CLVS1: variants seen among roughly 807,000 people sequenced by gnomAD.
CLVS1 encodes the protein clavesin-1.
A neutral mutation model predicts 33.1 loss-of-function variants in CLVS1; 10 were observed. The ratio of observed to expected loss-of-function variants is 0.30; its 90% confidence interval spans 0.19 to 0.51. The LOEUF is 0.51. Among genes scored for constraint, CLVS1 ranks in the 20% least tolerant of loss-of-function variants. CLVS1 has a pLI of 0.97. For missense variants in CLVS1, 343 were observed against 433.4 expected (o/e 0.79, Z 1.85); for synonymous variants, 163 against 166.1 (o/e 0.98, Z 0.14).
chr8:61,411,446 G>A (rs974680372), intron 3 of CLVS1, among the ~76,000 whole-genome samples: 2 of 152,316 alleles, frequency 1.3e-5, no homozygotes, highest in East Asian at 1.9e-4. Flanking sequence ...GAGAAGGAGA[G>A]AGAGAAGATA....
intron 2 of CLVS1, among the ~76,000 whole-genome samples, chr8:61,360,120 C>A (rs1812914325): frequency 6.6e-6 from 1 of 152,132 alleles, no homozygotes; most frequent in Non-Finnish European, 1.5e-5. Flanking sequence ...GCATTGAGAT[C>A]TGGAGGAAAA....
At chr8:61,084,021 A>T (rs1430298530) in intron 1 of CLVS1, among the ~76,000 whole-genome samples, 1 of 152,204 alleles carries the variant, frequency 6.6e-6, no homozygotes, top group Non-Finnish European at 1.5e-5. Flanking sequence ...ACTAGACTGA[A>T]TTTTTTAAAA....
At chr8:61,304,781 C>A (rs1008843498) in intron 2 of CLVS1, among the ~76,000 whole-genome samples, 1 of 152,002 alleles carries the variant, frequency 6.6e-6, no homozygotes, top group Admixed American at 6.6e-5. Context: ...AGGGACACAT[C>A]GGTTTTTTTT....
chr8:61,092,563 A>T (rs1805269524), intron 1 of CLVS1, among the ~76,000 whole-genome samples: 1 of 152,158 alleles, frequency 6.6e-6, no homozygotes, highest in African/African-American at 2.4e-5. Context: ...AAGCTTTAGG[A>T]GATAATCTGT....
chr8:61,362,956 CT>C (rs1323734549), intron 2 of CLVS1, among the ~76,000 whole-genome samples: 4 of 152,246 alleles, frequency 2.6e-5, no homozygotes, highest in African/African-American at 9.6e-5. Flanking sequence ...TGGGAAGGTT[CT>C]ATATGAGCCA....
chr8:61,176,243 G>A (rs1807109505), intron 2 of CLVS1, among the ~76,000 whole-genome samples: 1 of 152,146 alleles, frequency 6.6e-6, no homozygotes, highest in Admixed American at 6.5e-5. Context: ...ATTGCTCTCA[G>A]ACCTTATTGC....
At chr8:61,459,357 T>G (rs1307801723) in intron 5 of CLVS1, among the ~76,000 whole-genome samples, 1 of 152,218 alleles carries the variant, frequency 6.6e-6, no homozygotes, top group Non-Finnish European at 1.5e-5. Flanking sequence ...AAATTTTATT[T>G]TATTTTTCCA....
At chr8:61,399,974 C>T (rs780524832) in intron 3 of CLVS1, among the ~76,000 whole-genome samples, 1 of 152,058 alleles carries the variant, frequency 6.6e-6, no homozygotes, top group Non-Finnish European at 1.5e-5. Context: ...GGCATGATGC[C>T]TCCAGCTTTG....
At chr8:61,315,077 C>T (rs990415526) in intron 2 of CLVS1, among the ~76,000 whole-genome samples, 18 of 152,244 alleles carry the variant, frequency 1.2e-4, no homozygotes, top group African/African-American at 4.3e-4. Context: ...AACGGAAAAC[C>T]TAGGCAGTTT....
chr8:61,477,670 C>T (rs954286896), intron 5 of CLVS1, among the ~76,000 whole-genome samples: 1 of 152,036 alleles, frequency 6.6e-6, no homozygotes, highest in Admixed American at 6.5e-5. Flanking sequence ...TTTATTGTGT[C>T]TATTTGATTC....
chr8:61,134,446 C>T lies in CLVS1; in HGVS notation c.-152+2586C>T, dbSNP rs532940575. ...TTTTAAAATTCTAAATGTTAAAAAA[C>T]AAATCAAAAGAATATCTCATGTCAT... On this transcript the variant is annotated intron_variant, in intron 2 of 2. Transcript: ENST00000522621. Among the ~76,000 whole-genome samples, 3 of 152,286 alleles carry T rather than the reference C, an allele frequency of 2.0e-5. No homozygotes were observed. In the South Asian group the frequency reaches 6.2e-4, roughly 32 times the overall value.
At chr8:61,433,506 G>A (rs1404171275) in intron 3 of CLVS1, among the ~76,000 whole-genome samples, 2 of 152,166 alleles carry the variant, frequency 1.3e-5, no homozygotes, top group African/African-American at 4.8e-5. Flanking sequence ...GAGTTTGGAA[G>A]TCCTGAGATT....
rs1815749201 is a variant in CLVS1, at chr8:61,423,178, C to G, written c.631-30963C>G. On this transcript the variant is annotated intron_variant, in intron 3 of 5. Transcript: ENST00000325897. ...TCACTTCCCTATTAGTCAACTGCCC[C>G]CACCTCAACCCCTGGGCTTTTTCCC... Among the ~76,000 whole-genome samples the G allele has an allele frequency of 2.0e-5, 3 of 152,140 alleles. No individual in the cohort carries two copies. The South Asian group carries it at 6.2e-4, about 32-fold the overall frequency.
chr8:61,431,462 T>C (rs1252957966), intron 3 of CLVS1, among the ~76,000 whole-genome samples: 1 of 152,188 alleles, frequency 6.6e-6, no homozygotes, highest in Non-Finnish European at 1.5e-5. Flanking sequence ...TGGGAAATAC[T>C]AGTTTAGTCT....
intron 2 of CLVS1, among the ~76,000 whole-genome samples, chr8:61,348,470 T>TA (rs1041705699): frequency 1.8e-4 from 27 of 152,116 alleles, no homozygotes; most frequent in African/African-American, 6.0e-4. Flanking sequence ...CCCTAGAACT[T>TA]AAAGTATAAT....
At chr8:61,007,663 C>T in the CLVS1 span, among the ~76,000 whole-genome samples, 1 of 152,152 alleles carries the variant, frequency 6.6e-6, no homozygotes, top group African/African-American at 2.4e-5. Context: ...AAGCAGCCAC[C>T]ACGCTACTCC....
In CLVS1 at chr8:61,458,432, T is replaced by C. The variant is rs887628191; in HGVS notation, c.867T>C (p.Gly289=). The change falls in exon 5 of 6, where the codon GGT becomes GGC. Residue 289 remains glycine, a synonymous_variant. Transcript: ENST00000325897. ...GAACTTGGGCCCGGACGTTACTCGGTCCCGACTACAGCGATGAAAATGACT... is the reference window on the plus strand; with the variant it reads ...GAACTTGGGCCCGGACGTTACTCGGCCCCGACTACAGCGATGAAAATGACT... ...DMGTWARTLL[G]PDYSDENDYT... 2 of 1,614,022 alleles carry C rather than the reference T, an allele frequency of 1.2e-6. No homozygotes were observed. The highest frequency in any genetic ancestry group is 1.7e-6 in the Non-Finnish European group (2 of 1,179,946).
chr8:61,493,862 G>A (rs1216169532), intron 5 of CLVS1, among the ~76,000 whole-genome samples: 5 of 152,248 alleles, frequency 3.3e-5, no homozygotes, highest in Non-Finnish European at 5.9e-5. Flanking sequence ...TGATTCAAAT[G>A]CAGGTTTGAC....
intron 2 of CLVS1, among the ~76,000 whole-genome samples, chr8:61,143,122 G>C (rs1048436273): frequency 6.6e-6 from 1 of 152,150 alleles, no homozygotes; most frequent in African/African-American, 2.4e-5. Context: ...TCCTGAAACA[G>C]AAACAAAGAA....
Sources: allele counts gnomAD v4.1 joint callset (sites outside exome capture counted in the v4.1 genomes callset), GRCh38; gene constraint gnomAD v4.1.1; transcripts MANE v1.5; gene names NCBI Gene and HGNC (gene_info 2026-07-23, HGNC 2026-07-21).